Variants in CYTH3 observed in about 807,000 individuals in gnomAD.
CYTH3 encodes the protein cytohesin 3.
A neutral mutation model predicts 55.1 loss-of-function variants in CYTH3; 23 were observed. The observed-to-expected ratio is 0.42, with a 90% CI of 0.30 to 0.59. CYTH3 has a LOEUF of 0.59. Among genes scored for constraint, CYTH3 ranks in the 20% least tolerant of loss-of-function variants. CYTH3 has a pLI of 0.20. For missense variants in CYTH3, 413 were observed against 524.8 expected (o/e 0.79, Z 2.08); for synonymous variants, 249 against 194.9 (o/e 1.28, Z -2.31).
intron 5 of CYTH3, among the ~76,000 whole-genome samples, chr7:6,176,761 C>A (rs1223240034): frequency 2.0e-5 from 3 of 152,182 alleles, no homozygotes. Context: ...CCGGGCTGAA[C>A]AGCAGTACTA....
At chr7:6,226,994 G>A (rs1055262562) in intron 1 of CYTH3, among the ~76,000 whole-genome samples, 49 of 151,814 alleles carry the variant, frequency 3.2e-4, no homozygotes, top group African/African-American at 1.1e-3. Context: ...GCAGAAGAAC[G>A]GTGTGAACCC....
chr7:6,199,739 T>C (rs530851306), intron 1 of CYTH3, among the ~76,000 whole-genome samples: 4 of 152,242 alleles, frequency 2.6e-5, no homozygotes, highest in Non-Finnish European at 5.9e-5. Context: ...GAGTGAATAC[T>C]TTCCCTTCAT....
At chr7:6,227,986 C>T (rs777779874) in intron 1 of CYTH3, among the ~76,000 whole-genome samples, 19 of 152,264 alleles carry the variant, frequency 1.2e-4, no homozygotes, top group African/African-American at 1.7e-4. Context: ...TCAACAACAA[C>T]GAGATAATTG....
chr7:6,178,310 C>A (rs559518949), intron 4 of CYTH3, among the ~76,000 whole-genome samples: 4 of 152,380 alleles, frequency 2.6e-5, no homozygotes, highest in African/African-American at 7.2e-5. Context: ...GTGGTGGCCA[C>A]TGCCGGTTGG....
intron 1 of CYTH3, among the ~76,000 whole-genome samples, chr7:6,198,523 T>G (rs1783990247): frequency 3.3e-5 from 5 of 152,216 alleles, no homozygotes; most frequent in Admixed American, 3.3e-4. Flanking sequence ...TATCCAGATC[T>G]TTTCCACAGC....
intron 9 of CYTH3, 113 bp from the exon 10 acceptor site, chr7:6,165,923 G>A (rs959937210): frequency 5.2e-5 from 55 of 1,050,434 alleles, no homozygotes; most frequent in Admixed American, 1.7e-4. Context: ...GCCACCAGGC[G>A]CCAGGCTTGG....
At chr7:6,259,089 T>C (rs974374341) in intron 1 of CYTH3, among the ~76,000 whole-genome samples, 3 of 152,192 alleles carry the variant, frequency 2.0e-5, no homozygotes, top group African/African-American at 7.2e-5. Flanking sequence ...GAAACTCTGA[T>C]GTCCAAAATA....
In CYTH3 at chr7:6,170,597, T is replaced by C; in HGVS notation, c.761A>G (p.Asp254Gly). The C allele has an allele frequency of 6.2e-7, 1 of 1,613,644 alleles. No homozygotes were observed. The highest frequency in any genetic ancestry group is 8.5e-7 in the Non-Finnish European group (1 of 1,179,716). The change falls in exon 9 of 13, where the codon GAC becomes GGC. Residue 254 changes from aspartate (D) to glycine (G), a missense_variant. Physicochemically the swap from Asp to Gly is moderately conservative, Grantham distance 94. Transcript: ENST00000350796. This position sits in a 1 kb window ranked among gnomAD's most constrained non-coding sequence, Gnocchi z 7.8. Reference protein sequence around the residue: ...KNEPFKIPEDDGNDLTHTFFN... With the variant: ...KNEPFKIPEDGGNDLTHTFFN... ...GAAGGTGTGGGTCAGGTCGTTCCCG[T>C]CGTCCTCCGGGATCTTAAATGGCTC...
intron 1 of CYTH3, among the ~76,000 whole-genome samples, chr7:6,196,456 C>CTT (rs5882084): frequency 3.0e-4 from 34 of 113,976 alleles, no homozygotes; most frequent in East Asian, 1.9e-3. Context: ...TTCTTTTTTT[C>CTT]TTTTTTTTTT....
chr7:6,191,543 G>C (rs13229138), intron 1 of CYTH3, among the ~76,000 whole-genome samples: 8,196 of 149,776 alleles, frequency 0.055, 330 homozygotes, highest in Non-Finnish European at 0.083. Flanking sequence ...ACAATTTTTA[G>C]AAGTAAATAC....
intron 1 of CYTH3, among the ~76,000 whole-genome samples, chr7:6,207,256 A>T (rs1293183000): frequency 2.0e-5 from 3 of 151,622 alleles, no homozygotes; most frequent in African/African-American, 7.3e-5. Context: ...CACCAAGCCC[A>T]GCTAATTTTC....
At chr7:6,238,877 G>T (rs570397508) in intron 1 of CYTH3, among the ~76,000 whole-genome samples, 4 of 151,054 alleles carry the variant, frequency 2.6e-5, no homozygotes, top group East Asian at 1.9e-4. Context: ...ATTTAAAAGG[G>T]GAAAAGATTG....
intron 1 of CYTH3, chr7:6,212,836 G>C (rs1209489017): frequency 2.0e-5 from 3 of 152,216 alleles, no homozygotes; most frequent in African/African-American, 7.2e-5. Context: ...GATGGCTTCA[G>C]CTCTTGCCCA....
intron 4 of CYTH3, among the ~76,000 whole-genome samples, chr7:6,183,040 C>G (rs1783548175): frequency 6.6e-6 from 1 of 152,230 alleles, no homozygotes; most frequent in South Asian, 2.1e-4. Context: ...AACGGCTGGT[C>G]TCTGGGAGTG....
At chr7:6,227,560 A>G (rs1177207800) in intron 1 of CYTH3, among the ~76,000 whole-genome samples, 2 of 152,208 alleles carry the variant, frequency 1.3e-5, no homozygotes, top group Non-Finnish European at 2.9e-5. Context: ...TTCCCACTAC[A>G]GACAGAATCA....
intron 1 of CYTH3, among the ~76,000 whole-genome samples, chr7:6,249,424 G>C (rs973370093): frequency 5.3e-5 from 8 of 150,978 alleles, no homozygotes; most frequent in African/African-American, 1.9e-4. Context: ...AAAACAAGAG[G>C]AACAGGAAAG....
rs1409893064 is a variant in CYTH3 at position 6,167,657 on chromosome 7, G to GCC, written c.824-1849_824-1848dup. 2.0e-5 allele frequency among the ~76,000 whole-genome samples: 3 copies of GCC among 152,236 alleles called. No individual in the cohort carries two copies. Among genetic ancestry groups the GCC allele is most frequent in the Non-Finnish European group, 4.4e-5 (3 of 68,040 alleles). On this transcript the variant is annotated intron_variant, in intron 9 of 12. Transcript: ENST00000350796. This position sits in a 1 kb window ranked among gnomAD's most constrained non-coding sequence, Gnocchi z 5.5. ...AACTCCTTGGGCGGCAGCAGGGGCT[G>GCC]CCCTTCCTGGCTCCCCAGCTGTGGC...
At position 6,219,529 on chromosome 7, in the gene CYTH3, G is replaced by C. The variant is rs922237054; in HGVS notation, c.35-28998C>G. ...TGCTAGTATGCTGGAAGAATTAAAA[G>C]GTGAGAGTATCCATTCACACAGAAA... On this transcript the variant is annotated intron_variant, in intron 1 of 12. Transcript: ENST00000350796. Among the ~76,000 whole-genome samples, 6 of 152,142 alleles carry C rather than the reference G, an allele frequency of 3.9e-5. 1 individual carries two copies. The South Asian group carries it at 1.0e-3, about 26-fold the overall frequency.
At chr7:6,180,120 C>G (rs1783469137) in intron 4 of CYTH3, among the ~76,000 whole-genome samples, 1 of 152,160 alleles carries the variant, frequency 6.6e-6, no homozygotes, top group African/African-American at 2.4e-5. Context: ...GGAGGAGAGA[C>G]AGGACACCCT....
Sources: allele counts gnomAD v4.1 joint callset (sites outside exome capture counted in the v4.1 genomes callset), GRCh38; gene constraint gnomAD v4.1.1; non-coding constraint Gnocchi (gnomAD v3.1); transcripts MANE v1.5; gene names NCBI Gene and HGNC (gene_info 2026-07-23, HGNC 2026-07-21).